HS1BP3: variants seen among roughly 807,000 people sequenced by gnomAD.
The protein encoded by HS1BP3 is HCLS1 binding protein 3, also known as HCLS1-binding protein 3.
HS1BP3 carries 32 observed loss-of-function variants against 33.5 expected under a neutral mutation model. That is an observed-to-expected ratio of 0.95 (90% CI 0.72 to 1.28). The LOEUF (loss-of-function observed/expected upper bound fraction) is 1.28, where lower values mean the gene tolerates loss of function less well. Ranked by LOEUF, HS1BP3 falls within the 50% of genes most tolerant of loss-of-function variation. The pLI, the probability that HS1BP3 is intolerant of heterozygous loss-of-function variation, is 0.00. For missense variants in HS1BP3, 486 were observed against 502.3 expected (o/e 0.97, Z 0.31); for synonymous variants, 187 against 209.2 (o/e 0.89, Z 0.92).
At position 20,629,348 on chromosome 2, in the gene HS1BP3, G is replaced by C. The variant is rs191065468; in HGVS notation, c.624-4456C>G. On this transcript the variant is annotated intron_variant, in intron 4 of 6. Transcript: ENST00000304031. ...TTCCTATATCAGCATCCACCCAGCT[G>C]TCTGCAGGCGCAGGGCCTGGCTCTG... Among the ~76,000 whole-genome samples the C allele has an allele frequency of 7.9e-5, 12 of 152,342 alleles. No individual in the cohort carries two copies. In the East Asian group the frequency reaches 1.9e-3, roughly 25 times the overall value.
At chr2:20,617,387 G>A (rs1694451983), downstream of HS1BP3, among the ~76,000 whole-genome samples, 1 of 152,202 alleles carries the variant, frequency 6.6e-6, no homozygotes, top group African/African-American at 2.4e-5. Flanking sequence ...GGAGGGAGCT[G>A]ACCCTCTGAG....
intron 2 of HS1BP3, among the ~76,000 whole-genome samples, chr2:20,605,591 A>G (rs970809155): frequency 1.3e-5 from 2 of 151,354 alleles, no homozygotes; most frequent in African/African-American, 4.9e-5. Flanking sequence ...ACCTCCCCGC[A>G]CTCCCAGCCC....
chr2:20,564,424 A>G (rs1252526365), intron 5 of HS1BP3, among the ~76,000 whole-genome samples: 4 of 150,900 alleles, frequency 2.7e-5, no homozygotes, highest in Non-Finnish European at 4.4e-5. Context: ...TCTCTTCTTT[A>G]CTCCTTGTCA....
At chr2:20,638,032 C>T (rs1169527635) in intron 4 of HS1BP3, 2 of 340,002 alleles carry the variant, frequency 5.9e-6, no homozygotes. Flanking sequence ...AATGCTCCTG[C>T]TATGCAGATG....
chr2:20,641,299 C>T (rs4666449), intron 2 of HS1BP3, 119 bp from the exon 3 acceptor site: 480,984 of 800,752 alleles, frequency 0.6, 147,280 homozygotes, highest in Non-Finnish European at 0.64. Context: ...GGTACGCCCG[C>T]CTGCTGCCCC....
At chr2:20,596,747 A>G (rs1693951207) in intron 3 of HS1BP3, among the ~76,000 whole-genome samples, 3 of 152,034 alleles carry the variant, frequency 2.0e-5, no homozygotes, top group Admixed American at 6.5e-5. Flanking sequence ...CTGTCCTTCT[A>G]CCCATCACAG....
chr2:20,630,486 C>T (rs1162656892), intron 4 of HS1BP3, among the ~76,000 whole-genome samples: 3 of 152,168 alleles, frequency 2.0e-5, no homozygotes, highest in Admixed American at 1.3e-4. Context: ...CCAGGCTGAT[C>T]TCAAGCTCCT....
chr2:20,570,195 C>A (rs1427340907), intron 5 of HS1BP3, among the ~76,000 whole-genome samples: 1 of 151,864 alleles, frequency 6.6e-6, no homozygotes, highest in Admixed American at 6.6e-5. Context: ...TTTTTTCCCC[C>A]TTCTTTTAGG....
At chr2:20,589,254 T>C (rs954126997), downstream of HS1BP3, among the ~76,000 whole-genome samples, 2 of 152,178 alleles carry the variant, frequency 1.3e-5, no homozygotes, top group African/African-American at 2.4e-5. Context: ...GCCAGGGCCT[T>C]CACCGTCCAA....
chr2:20,583,734 C>A (rs1693615094), intron 5 of HS1BP3, among the ~76,000 whole-genome samples: 1 of 152,182 alleles, frequency 6.6e-6, no homozygotes, highest in African/African-American at 2.4e-5. Context: ...AGATGTTGGG[C>A]CTCAGTGTGG....
At position 20,645,450 on chromosome 2, in the gene HS1BP3, C is replaced by T. The variant is rs1284289987; in HGVS notation, c.88G>A (p.Val30Ile). The T allele has an allele frequency of 2.5e-6, 4 of 1,613,946 alleles. No individual in the cohort carries two copies. The highest frequency in any genetic ancestry group is 1.1e-5 in the South Asian group (1 of 91,078). ...LDLTVPQHQE[V>I]RGKMMSGHVE... ...TGTCCAGACATCATCTTGCCCCGTA[C>T]CTCCTGGTGCTGGGGCACAGTCAGG... Residue 30 changes from valine to isoleucine, a missense_variant, in exon 2 of 7, where the codon GTA becomes ATA. Val to Ile is a conservative substitution (Grantham distance 29). Transcript: ENST00000304031.
At chr2:20,648,885 G>A (rs1034322799) in intron 1 of HS1BP3, among the ~76,000 whole-genome samples, 2 of 152,246 alleles carry the variant, frequency 1.3e-5, no homozygotes, top group African/African-American at 4.8e-5. Context: ...TAGGCTGAGA[G>A]ACTTGCCGTT....
chr2:20,565,017 G>C (rs1418724917), intron 5 of HS1BP3, among the ~76,000 whole-genome samples: 1 of 152,186 alleles, frequency 6.6e-6, no homozygotes, highest in South Asian at 2.1e-4. Flanking sequence ...AGTGGAGAGG[G>C]ACATTAGCAA....
At chr2:20,557,552 G>T (rs547541485), downstream of HS1BP3, among the ~76,000 whole-genome samples, 76 of 152,164 alleles carry the variant, frequency 5.0e-4, no homozygotes, top group Non-Finnish European at 1.0e-3. Flanking sequence ...ATTTCCACAC[G>T]TGTACATTTC....
At chr2:20,594,376 A>G (rs887197772) in intron 3 of HS1BP3, among the ~76,000 whole-genome samples, 1 of 152,232 alleles carries the variant, frequency 6.6e-6, no homozygotes, top group Non-Finnish European at 1.5e-5. Context: ...TGAGTGGCTG[A>G]TGGCATCACA....
chr2:20,573,393 C>T (rs1488147061), intron 5 of HS1BP3, among the ~76,000 whole-genome samples: 1 of 152,202 alleles, frequency 6.6e-6, no homozygotes, highest in Admixed American at 6.5e-5. Flanking sequence ...TCTGTCTCCA[C>T]CACAACCCGT....
chr2:20,595,967 C>A (rs1323069171), intron 3 of HS1BP3, among the ~76,000 whole-genome samples: 2 of 152,204 alleles, frequency 1.3e-5, no homozygotes, highest in African/African-American at 2.4e-5. Flanking sequence ...ATCACTGGGA[C>A]CTTAGTTCAA....
intron 2 of HS1BP3, among the ~76,000 whole-genome samples, chr2:20,598,851 CCCGG>C (rs1456515768): frequency 6.6e-6 from 1 of 152,168 alleles, no homozygotes. Context: ...AGCCACCGCG[CCCGG>C]CCGGTACTTC....
At chr2:20,628,763 C>T (rs1367023560) in intron 4 of HS1BP3, among the ~76,000 whole-genome samples, 1 of 152,122 alleles carries the variant, frequency 6.6e-6, no homozygotes, top group Non-Finnish European at 1.5e-5. Context: ...GATGTGGAGA[C>T]AGGAAGTGAA....
Sources: gnomAD v4.1 joint callset for allele counts (sites outside exome capture counted in the v4.1 genomes callset) on GRCh38, gnomAD v4.1.1 for gene constraint, MANE v1.5 for transcripts, NCBI Gene and HGNC (gene_info 2026-07-23, HGNC 2026-07-21) for gene names.